SRPK1: variants seen among roughly 807,000 people sequenced by gnomAD.
SRPK1 encodes the protein SRSF protein kinase 1, also known as SFRS protein kinase 1.
SRPK1 carries 52 observed loss-of-function variants against 89.5 expected under a neutral mutation model. That is an observed-to-expected ratio of 0.58 (90% CI 0.46 to 0.73). The LOEUF (loss-of-function observed/expected upper bound fraction) is 0.73. SRPK1 is among the 30% of genes least tolerant of loss of function. The pLI is 0.00. For synonymous variants in SRPK1, 255 were observed against 270.2 expected (o/e 0.94, Z 0.55); for missense variants, 603 against 780.6 (o/e 0.77, Z 2.71).
chr6:35,881,919 G>GTATAGAGC (rs1770298814), intron 6 of SRPK1, among the ~76,000 whole-genome samples: 2 of 151,978 alleles, frequency 1.3e-5, no homozygotes, highest in African/African-American at 4.8e-5. Flanking sequence ...CATTTAACAG[G>GTATAGAGC]TATAGAGCTT....
At chr6:35,853,940 T>TCC (rs779730652) in intron 13 of SRPK1, among the ~76,000 whole-genome samples, 5 of 151,856 alleles carry the variant, frequency 3.3e-5, no homozygotes, top group Non-Finnish European at 7.4e-5. Context: ...ACAAATATTT[T>TCC]CCCCTTTCCC....
intron 2 of SRPK1, among the ~76,000 whole-genome samples, chr6:35,910,252 G>A (rs573373260): frequency 7.2e-5 from 11 of 152,192 alleles, no homozygotes; most frequent in African/African-American, 2.2e-4. Flanking sequence ...CAAAGTGCTG[G>A]GATTACAGGA....
intron 2 of SRPK1, among the ~76,000 whole-genome samples, chr6:35,917,264 T>C (rs1771131105): frequency 1.3e-5 from 2 of 152,212 alleles, no homozygotes; most frequent in African/African-American, 2.4e-5. Context: ...AGGTCTCTCA[T>C]TCAGAAGCCT....
At chr6:35,841,171 G>A (rs1364798381) in intron 14 of SRPK1, among the ~76,000 whole-genome samples, 1 of 152,136 alleles carries the variant, frequency 6.6e-6, no homozygotes, top group African/African-American at 2.4e-5. Context: ...CAAGCAGAGA[G>A]TAGGTAAAAT....
chr6:35,839,281 G>A (rs1204576696), intron 14 of SRPK1, among the ~76,000 whole-genome samples: 1 of 152,164 alleles, frequency 6.6e-6, no homozygotes, highest in East Asian at 1.9e-4. Flanking sequence ...CTCCCGAAGT[G>A]TTGGGATTAC....
chr6:35,880,735 GAAAAAAA>G (rs1238876364), intron 6 of SRPK1, among the ~76,000 whole-genome samples: 4 of 26,984 alleles, frequency 1.5e-4, no homozygotes, highest in East Asian at 2.5e-3. Flanking sequence ...AAAAAAAAAA[GAAAAAAA>G]AAAAAAAAGA....
chr6:35,896,698 T>C (rs1770632276), intron 2 of SRPK1, among the ~76,000 whole-genome samples: 1 of 152,216 alleles, frequency 6.6e-6, no homozygotes, highest in African/African-American at 2.4e-5. Context: ...GAATGGGATC[T>C]GGTTACCTTG....
intron 13 of SRPK1, among the ~76,000 whole-genome samples, chr6:35,847,308 T>C (rs1319537458): frequency 6.6e-6 from 1 of 152,182 alleles, no homozygotes; most frequent in Non-Finnish European, 1.5e-5. Flanking sequence ...GGGGCTCAAG[T>C]GATCCTCCTT....
At chr6:35,898,017 C>T (rs1285316851) in intron 2 of SRPK1, among the ~76,000 whole-genome samples, 10 of 152,178 alleles carry the variant, frequency 6.6e-5, no homozygotes, top group Admixed American at 6.5e-4. Context: ...TTGATCAATA[C>T]ATTGCATTAT....
Position 35,835,115 on chromosome 6 carries a change from G to T in SRPK1, c.*189C>A. 2.0e-6 allele frequency: 1 copy of T among 505,960 alleles called. No individual in the cohort carries two copies. The highest frequency in any genetic ancestry group is 3.4e-6 in the Non-Finnish European group (1 of 293,252). 31.3% of individuals were successfully genotyped at this position (505,960 alleles called of 1,614,324 possible). Reference sequence around the variant, plus strand: ...AACCAAGGCCAAATTCACCTAGGATGCCCAATGGCTGTGGGGATCTCCACA... The same window carrying T: ...AACCAAGGCCAAATTCACCTAGGATTCCCAATGGCTGTGGGGATCTCCACA... On this transcript the variant is annotated 3_prime_UTR_variant, in exon 16 of 16. Coordinates refer to ENST00000373825, the MANE Select transcript of SRPK1 (RefSeq NM_003137.5).
At chr6:35,857,089 C>T (rs1769680636) in intron 13 of SRPK1, 172 bp downstream of exon 13, 1 of 528,866 alleles carries the variant, frequency 1.9e-6, no homozygotes, top group Non-Finnish European at 3.3e-6. Flanking sequence ...AAATGAAATG[C>T]CAGACAGGTT....
At chr6:35,855,319 A>G (rs1192017312) in intron 13 of SRPK1, among the ~76,000 whole-genome samples, 1 of 151,998 alleles carries the variant, frequency 6.6e-6, no homozygotes, top group Admixed American at 6.6e-5. Flanking sequence ...AAAAACAAAC[A>G]AAAACCCAAT....
In SRPK1 at chr6:35,875,117, G is replaced by A. The variant is rs1482651938; in HGVS notation, c.479-778C>T. Among the ~76,000 whole-genome samples the A allele has an allele frequency of 3.9e-5, 6 of 152,160 alleles. No individual in the cohort carries two copies. In the East Asian group the frequency reaches 9.6e-4, roughly 24 times the overall value. ...ATTAAAGGAAAGCCTGAGCTCCTTG[G>A]AAAAATGGCCAAATCCAAGGTAGGA... On this transcript the variant is annotated intron_variant, in intron 6 of 15. Coordinates refer to ENST00000373825, the MANE Select transcript of SRPK1 (RefSeq NM_003137.5).
chr6:35,921,025 A>C lies in SRPK1; in HGVS notation c.13+19T>G, dbSNP rs558917371. On this transcript the variant is annotated intron_variant, in intron 1 of 15. Coordinates refer to ENST00000373825, the MANE Select transcript of SRPK1 (RefSeq NM_003137.5). ...CGGCGACCATTGCCCCTCGTGGCGG[A>C]GGCCGCTCCACCGCTCACCTTTCCG... The C allele has an allele frequency of 4.0e-5, 61 of 1,542,962 alleles. No homozygotes were observed. The South Asian group carries it at 7.2e-4, about 18-fold the overall frequency.
chr6:35,842,603 G>T lies in SRPK1; in HGVS notation c.1622C>A (p.Ala541Asp), dbSNP rs768705670. Residue 541 changes from alanine to aspartate, a missense_variant and splice_region_variant, in exon 14 of 16, where the codon GCC becomes GAC. Ala to Asp is a moderately radical substitution (Grantham distance 126, BLOSUM62 -2). Transcript: ENST00000373825. ...PADIWSTACM[A>D]FELATGDYLF... ...ATAGTCACCTGTGGCCAGTTCAAAG[G>T]CCTAAAAAAAAAAGAGGACAGTATA... is the stretch of plus-strand genomic sequence containing the variant. 1 of 1,597,868 alleles carries T rather than the reference G, an allele frequency of 6.3e-7. No homozygotes were observed. Among genetic ancestry groups the T allele is most frequent in the Non-Finnish European group, 8.5e-7 (1 of 1,174,432 alleles).
chr6:35,887,624 T>C (rs929992939), intron 5 of SRPK1, among the ~76,000 whole-genome samples: 2 of 152,198 alleles, frequency 1.3e-5, no homozygotes, highest in Admixed American at 1.3e-4. Flanking sequence ...AAATACAGTA[T>C]TTTTATATTA....
At position 35,874,244 on chromosome 6, in the gene SRPK1, T is replaced by C; in HGVS notation, c.574A>G (p.Ile192Val). 6.2e-7 allele frequency: 1 copy of C among 1,602,562 alleles called. No individual in the cohort carries two copies. Among genetic ancestry groups the C allele is most frequent in the Non-Finnish European group, 8.5e-7 (1 of 1,171,718 alleles). The part of the protein sequence containing the change: ...QGLPLPCVKK[I>V]IQQVLQGLDY... ...TTCAAGATACATACTTGCTGAATAA[T>C]TTTTTTGACACAAGGCAGTGGAAGC... The change falls in exon 7 of 16, where the codon ATT (isoleucine) becomes GTT (valine). Residue 192 changes from isoleucine to valine, a missense_variant. Coordinates refer to ENST00000373825, the MANE Select transcript of SRPK1 (RefSeq NM_003137.5).
At chr6:35,903,117 TA>T (rs1158055870) in intron 2 of SRPK1, among the ~76,000 whole-genome samples, 142 of 141,392 alleles carry the variant, frequency 1.0e-3, no homozygotes, top group Non-Finnish European at 1.0e-3. Flanking sequence ...TGTCTCTATT[TA>T]AAAAAAAAAA....
intron 6 of SRPK1, among the ~76,000 whole-genome samples, chr6:35,876,866 C>T (rs1770166215): frequency 6.6e-6 from 1 of 152,146 alleles, no homozygotes; most frequent in South Asian, 2.1e-4. Flanking sequence ...TGAGGCTTTC[C>T]AGGTAGACTC....
Sources: allele counts gnomAD v4.1 joint callset (sites outside exome capture counted in the v4.1 genomes callset), GRCh38; gene constraint gnomAD v4.1.1; transcripts MANE v1.5; gene names NCBI Gene and HGNC (gene_info 2026-07-23, HGNC 2026-07-21).